Variants in CPED1 observed in about 807,000 individuals in gnomAD.
CPED1 encodes cadherin like and PC-esterase domain containing 1.
A neutral mutation model predicts 128.2 loss-of-function variants in CPED1; 114 were observed. The observed-to-expected ratio is 0.89, with a 90% CI of 0.76 to 1.04. The LOEUF (loss-of-function observed/expected upper bound fraction) is 1.04. Among genes scored for constraint, CPED1 ranks in the 50% least tolerant of loss-of-function variants. The pLI, the probability that CPED1 is intolerant of heterozygous loss-of-function variation, is 0.00. For missense variants in CPED1, 1,211 were observed against 1,207.1 expected (o/e 1.00, Z -0.05); for synonymous variants, 462 against 426.7 (o/e 1.08, Z -1.02).
intron 18 of CPED1, among the ~76,000 whole-genome samples, chr7:121,260,223 GTTTTTTTT>G (rs59370305): frequency 2.1e-3 from 149 of 70,030 alleles, no homozygotes; most frequent in African/African-American, 7.7e-3. Flanking sequence ...CTTGCTTCGC[GTTTTTTTT>G]TTTTTTTTTT....
At chr7:121,113,106 A>G (rs1479728843) in intron 7 of CPED1, among the ~76,000 whole-genome samples, 2 of 152,210 alleles carry the variant, frequency 1.3e-5, no homozygotes, top group African/African-American at 2.4e-5. Flanking sequence ...CATTTAATCT[A>G]TATCTTCTTG....
intron 16 of CPED1, among the ~76,000 whole-genome samples, chr7:121,229,586 G>A (rs1798092185): frequency 6.6e-6 from 1 of 151,970 alleles, no homozygotes; most frequent in Non-Finnish European, 1.5e-5. Flanking sequence ...TCACTTTACA[G>A]TACTTATATA....
intron 18 of CPED1, among the ~76,000 whole-genome samples, chr7:121,245,794 G>A (rs979691283): frequency 1.1e-4 from 17 of 151,148 alleles, no homozygotes; most frequent in Non-Finnish European, 2.1e-4. Context: ...AGGTTCAAGC[G>A]CGTCTCCTGC....
intron 4 of CPED1, among the ~76,000 whole-genome samples, 166 bp downstream of exon 4, chr7:121,047,159 A>G (rs1346496598): frequency 6.6e-6 from 1 of 152,162 alleles, no homozygotes; most frequent in Non-Finnish European, 1.5e-5. Context: ...AATAGTCACC[A>G]CTTTTTGTTT....
intron 16 of CPED1, among the ~76,000 whole-genome samples, chr7:121,221,167 A>G (rs1296556062): frequency 1.3e-5 from 2 of 151,934 alleles, no homozygotes; most frequent in South Asian, 2.1e-4. Context: ...CCTGTGTCCA[A>G]GTGTTCTCAT....
intron 16 of CPED1, among the ~76,000 whole-genome samples, chr7:121,172,661 CATAGATAGATAGATAG>C (rs6150319): frequency 1.4e-5 from 2 of 145,202 alleles, no homozygotes; most frequent in Non-Finnish European, 3.0e-5. Flanking sequence ...TGGATGGATA[CATAGATAGATAGATAG>C]ATAGATAGAT....
At chr7:121,072,966 C>A (rs1166108715) in intron 5 of CPED1, among the ~76,000 whole-genome samples, 2 of 152,044 alleles carry the variant, frequency 1.3e-5, no homozygotes, top group Non-Finnish European at 2.9e-5. Flanking sequence ...GAAAAGCCTC[C>A]ATTGTAGCAG....
At chr7:121,079,521 C>G (rs1228510700) in intron 5 of CPED1, among the ~76,000 whole-genome samples, 1 of 152,206 alleles carries the variant, frequency 6.6e-6, no homozygotes, top group Non-Finnish European at 1.5e-5. Context: ...CCTTTCTGTG[C>G]CATGCTTGGT....
rs111364982 is a variant in CPED1 at position 121,279,258 on chromosome 7, AT to A, written c.2868+7836del. 4.9e-3 allele frequency among the ~76,000 whole-genome samples: 749 copies of A among 151,478 alleles called. 6 individuals carry two copies. The highest frequency in any genetic ancestry group is 0.017 in the African/African-American group (717 of 41,364). ...TTTGACCACAGAATGACTTTTCCTT[AT>A]TTTTTTTATCACAACTATTAACACC... On this transcript the variant is annotated intron_variant, in intron 22 of 22. Transcript: ENST00000310396.
chr7:121,130,101 T>A (rs748286550), intron 11 of CPED1, 24 bp from the exon 12 acceptor site: 2 of 1,586,654 alleles, frequency 1.3e-6, no homozygotes, highest in South Asian at 1.1e-5. Context: ...TTCCATAACT[T>A]ATACTGATAT....
At chr7:121,284,264 A>G (rs1024176946) in intron 22 of CPED1, among the ~76,000 whole-genome samples, 3 of 152,072 alleles carry the variant, frequency 2.0e-5, no homozygotes, top group Non-Finnish European at 4.4e-5. Flanking sequence ...CATTATTAAT[A>G]CCTCCCACGA....
chr7:121,008,495 T>C (rs1186684861), intron 2 of CPED1, among the ~76,000 whole-genome samples: 1 of 152,172 alleles, frequency 6.6e-6, no homozygotes, highest in Non-Finnish European at 1.5e-5. Flanking sequence ...AAGGAAAAGA[T>C]AGGAAGATAA....
At chr7:121,094,322 TG>T (rs1794647122) in intron 5 of CPED1, among the ~76,000 whole-genome samples, 1 of 152,188 alleles carries the variant, frequency 6.6e-6, no homozygotes. Flanking sequence ...AATTATTAGT[TG>T]TAAGGCAAAA....
chr7:120,989,472 A>G lies in CPED1; in HGVS notation c.-150A>G. 2.0e-6 allele frequency: 2 copies of G among 1,000,438 alleles called. No individual in the cohort carries two copies. The highest frequency in any genetic ancestry group is 2.9e-6 in the Non-Finnish European group (2 of 683,820). The allele number at this position is 1,000,438 out of a possible 1,614,324, so 62.0% of individuals were successfully genotyped here. A position where few individuals can be genotyped will look rare whatever the true frequency, so the allele number is the denominator to read the frequency against. The stretch of plus-strand genomic sequence containing the variant: ...TCGGGACCTATGATTCTTTGGCACA[A>G]CCTTTTGGAAAATTCTTAAGCAGGG... On this transcript the variant is annotated 5_prime_UTR_variant, in exon 2 of 23. Transcript: ENST00000310396.
At chr7:121,267,415 A>G in intron 21 of CPED1, 113 bp downstream of exon 21, 2 of 498,094 alleles carry the variant, frequency 4.0e-6, no homozygotes, top group Non-Finnish European at 6.9e-6. Flanking sequence ...GAAAGTAAAA[A>G]AAAGAGATTG....
chr7:121,075,652 T>C (rs144285628), intron 5 of CPED1, among the ~76,000 whole-genome samples: 1 of 152,078 alleles, frequency 6.6e-6, no homozygotes, highest in African/African-American at 2.4e-5. Flanking sequence ...TTAGTAGAGG[T>C]AGGGTTTCAC....
intron 7 of CPED1, among the ~76,000 whole-genome samples, chr7:121,116,136 C>T (rs907603878): frequency 1.3e-4 from 20 of 152,142 alleles, no homozygotes; most frequent in African/African-American, 4.1e-4. Flanking sequence ...AAGTTTTCAG[C>T]TATGAAACTG....
chr7:121,129,831 G>T (rs1380852881), intron 11 of CPED1, among the ~76,000 whole-genome samples: 2 of 150,126 alleles, frequency 1.3e-5, no homozygotes, highest in African/African-American at 4.9e-5. Flanking sequence ...GCCTAACTCT[G>T]TTATTCATGT....
intron 5 of CPED1, among the ~76,000 whole-genome samples, chr7:121,079,544 A>T (rs1794225824): frequency 6.6e-6 from 1 of 152,234 alleles, no homozygotes; most frequent in Non-Finnish European, 1.5e-5. Context: ...TTTGTCTCGC[A>T]AAAGATAGAC....
Sources: gnomAD v4.1 joint callset for allele counts (sites outside exome capture counted in the v4.1 genomes callset) on GRCh38, gnomAD v4.1.1 for gene constraint, MANE v1.5 for transcripts, NCBI Gene and HGNC (gene_info 2026-07-23, HGNC 2026-07-21) for gene names.